Variants in CPD observed in about 807,000 individuals in gnomAD.
CPD encodes carboxypeptidase D.
In CPD, 69 loss-of-function variants were observed where a neutral mutation model predicts 138.3. That is an observed-to-expected ratio of 0.50 (90% confidence interval 0.41 to 0.61). CPD has a LOEUF of 0.61. CPD is among the 20% of genes least tolerant of loss of function. The pLI is 0.00. For synonymous variants in CPD, 651 were observed against 642.1 expected (o/e 1.01, Z -0.21); for missense variants, 1,432 against 1,733.3 (o/e 0.83, Z 3.09).
chr17:30,394,708 G>T lies in CPD; in HGVS notation c.994+9472G>T, dbSNP rs533732978. On this transcript the variant is annotated intron_variant, in intron 2 of 20. Transcript: ENST00000225719. ...GTAGGGGAATGAAAAGGGAGTATAA[G>T]ATACATATATAAGAAGTTATGCAAG... 2.0e-5 allele frequency among the ~76,000 whole-genome samples: 3 copies of T among 152,256 alleles called. No homozygotes were observed. In the East Asian group the frequency reaches 5.8e-4, roughly 29 times the overall value.
rs991860397 is a variant in CPD at position 30,467,028 on chromosome 17, A to T, written c.*2214A>T. 5 of 152,612 alleles carry T rather than the reference A, an allele frequency of 3.3e-5. No homozygotes were observed. Among genetic ancestry groups the T allele is most frequent in the Non-Finnish European group, 7.4e-5 (5 of 68,008 alleles). The allele number at this position is 152,612 out of a possible 1,614,324, so 9.5% of individuals were successfully genotyped here. On this transcript the variant is annotated 3_prime_UTR_variant, in exon 21 of 21. Coordinates refer to ENST00000225719, the MANE Select transcript of CPD (RefSeq NM_001304.5). ...TTACCTAGAAGCGTGAATGTATAGG[A>T]TACCTGACTACTAAGACTATATTCT...
intron 2 of CPD, among the ~76,000 whole-genome samples, chr17:30,417,410 A>G (rs1912139860): frequency 6.6e-6 from 1 of 152,118 alleles, no homozygotes; most frequent in Non-Finnish European, 1.5e-5. Context: ...TCTTCTCCCC[A>G]AGCTCCAGAC....
chr17:30,379,167 G>C lies in CPD; in HGVS notation c.187G>C (p.Glu63Gln), dbSNP rs757351817. ...GQFDRYYHEE[E>Q]LESALREAAA... ...GTTCGACCGCTACTACCACGAAGAG[G>C]AGTTGGAGTCGGCGCTGAGGGAGGC... Residue 63 changes from glutamate (E) to glutamine (Q), a missense_variant, in exon 1 of 21, where the codon GAG becomes CAG. This residue lies in a region of CPD where 484 missense variants were observed against 477.2 expected (regional missense o/e 1.01). Transcript: ENST00000225719. This position sits in a 1 kb window ranked among gnomAD's most constrained non-coding sequence, Gnocchi z 7.0. 3 of 1,535,240 alleles carry C rather than the reference G, an allele frequency of 2.0e-6. No homozygotes were observed. Among genetic ancestry groups the C allele is most frequent in the Non-Finnish European group, 2.6e-6 (3 of 1,144,350 alleles).
intron 14 of CPD, 147 bp downstream of exon 14, chr17:30,451,993 G>A: frequency 1.3e-6 from 1 of 755,218 alleles, no homozygotes; most frequent in Non-Finnish European, 2.0e-6. Flanking sequence ...CAGACATCTG[G>A]AAAAGTTTTT....
chr17:30,445,765 C>A lies in CPD; in HGVS notation c.2618C>A (p.Ser873Tyr). Reference protein sequence around the residue: ...AIQVNFTLVRSSTDSNNESKK... With the variant: ...AIQVNFTLVRYSTDSNNESKK... ...CAGGTCAACTTCACACTTGTTCGATCCTCAACAGATTCAAACAATGAATCA... is the reference window on the plus strand; with the variant it reads ...CAGGTCAACTTCACACTTGTTCGATACTCAACAGATTCAAACAATGAATCA... The change falls in exon 12 of 21, where the codon TCC becomes TAC. Residue 873 changes from serine to tyrosine, a missense_variant. Physicochemically the swap from Ser to Tyr is moderately radical, Grantham distance 144. Coordinates refer to ENST00000225719, the MANE Select transcript of CPD (RefSeq NM_001304.5). 2 of 1,613,896 alleles carry A rather than the reference C, an allele frequency of 1.2e-6. No individual in the cohort carries two copies. The highest frequency in any genetic ancestry group is 1.7e-6 in the Non-Finnish European group (2 of 1,179,966).
intron 12 of CPD, among the ~76,000 whole-genome samples, 186 bp from the exon 13 acceptor site, chr17:30,449,367 T>C (rs73277586): frequency 0.018 from 2,739 of 152,326 alleles, 84 homozygotes; most frequent in African/African-American, 0.062. Flanking sequence ...ATATCATCTA[T>C]TTGATAAATG....
chr17:30,433,598 T>G (rs1380603387), intron 8 of CPD, among the ~76,000 whole-genome samples: 4 of 152,206 alleles, frequency 2.6e-5, no homozygotes, highest in African/African-American at 4.8e-5. Flanking sequence ...GTGGTCACAC[T>G]GTCACGGCAA....
chr17:30,423,821 A>G (rs1353034040), intron 6 of CPD, 124 bp downstream of exon 6: 1 of 713,882 alleles, frequency 1.4e-6, no homozygotes, highest in Non-Finnish European at 2.1e-6. Flanking sequence ...TTAATTTATG[A>G]TTGATTTTAG....
chr17:30,423,536 T>C lies in CPD; in HGVS notation c.1688T>C (p.Met563Thr). Residue 563 changes from methionine (M) to threonine (T), a missense_variant, in exon 6 of 21, where the codon ATG becomes ACG. By Grantham distance (81) the Met-to-Thr change is moderately conservative (BLOSUM62 -1). Around this residue, in one of 6 missense-constraint regions of CPD, gnomAD observed 297 missense variants for 405.3 expected, o/e 0.73. Coordinates refer to ENST00000225719, the MANE Select transcript of CPD (RefSeq NM_001304.5). ...CCAGAATTTAAGTACATTGGAAATA[T>C]GCATGGAAATGAAGTGGTTGGAAGA... ...GEPEFKYIGNMHGNEVVGREL... is the reference protein window; with the variant it reads ...GEPEFKYIGNTHGNEVVGREL... The C allele has an allele frequency of 3.1e-6, 5 of 1,592,088 alleles. No homozygotes were observed. Among genetic ancestry groups the C allele is most frequent in the Non-Finnish European group, 4.3e-6 (5 of 1,171,716 alleles).
intron 18 of CPD, 64 bp from the exon 19 acceptor site, chr17:30,461,813 G>C (rs1463079378): frequency 2.2e-6 from 3 of 1,391,872 alleles, no homozygotes; most frequent in Non-Finnish European, 2.9e-6. Flanking sequence ...CATGCCTCAA[G>C]CTAGTGCCTC....
In CPD at chr17:30,456,607, C is replaced by A; in HGVS notation, c.3498+81C>A. 6 of 1,387,284 alleles carry A rather than the reference C, an allele frequency of 4.3e-6. No homozygotes were observed. The Admixed American group carries it at 1.0e-4, about 24-fold the overall frequency. The allele number at this position is 1,387,284 out of a possible 1,614,324, so 85.9% of individuals were successfully genotyped here. ...GTGTAAACCCAGTGCTTTGGGAGGC[C>A]AAGGCAGGTGGATTTTCTGAGTTTG... On this transcript the variant is annotated intron_variant, in intron 17 of 20. Transcript: ENST00000225719.
intron 14 of CPD, chr17:30,454,481 A>G (rs953951980): frequency 4.6e-5 from 7 of 152,422 alleles, no homozygotes; most frequent in African/African-American, 1.7e-4. Context: ...TCATATCACT[A>G]TCAGCATTTT....
In CPD at chr17:30,456,366, T is replaced by C; in HGVS notation, c.3433+15T>C. 6.2e-7 allele frequency: 1 copy of C among 1,613,072 alleles called. No homozygotes were observed. Among genetic ancestry groups the C allele is most frequent in the Non-Finnish European group, 8.5e-7 (1 of 1,178,984 alleles). On this transcript the variant is annotated intron_variant, in intron 16 of 20. Coordinates refer to ENST00000225719, the MANE Select transcript of CPD (RefSeq NM_001304.5). ...AAATAAATCAGGTAGATGTTTTCCA[T>C]ACCTTTTGTTATTGCTGTTGTTGTT...
At chr17:30,402,521 G>A (rs563747227) in intron 2 of CPD, among the ~76,000 whole-genome samples, 7 of 152,302 alleles carry the variant, frequency 4.6e-5, no homozygotes, top group African/African-American at 7.2e-5. Context: ...AACTGAGATC[G>A]TGCCACTGCA....
chr17:30,391,037 T>G (rs1911342348), intron 2 of CPD, among the ~76,000 whole-genome samples: 1 of 151,700 alleles, frequency 6.6e-6, no homozygotes, highest in Non-Finnish European at 1.5e-5. Flanking sequence ...ACCATGTTGG[T>G]CAAGCTGGTC....
rs1007525793 is a variant in CPD, at chr17:30,466,540, G to T, written c.*1726G>T. On this transcript the variant is annotated 3_prime_UTR_variant, in exon 21 of 21. Coordinates refer to ENST00000225719, the MANE Select transcript of CPD (RefSeq NM_001304.5). Reference sequence around the variant, plus strand: ...TCTGCCACCTCATACATGGAACAGAGCTTGTGGGATGCTAATAGTTAGTGA... The same window carrying T: ...TCTGCCACCTCATACATGGAACAGATCTTGTGGGATGCTAATAGTTAGTGA... 7 of 152,528 alleles carry T rather than the reference G, an allele frequency of 4.6e-5. No individual in the cohort carries two copies. Among genetic ancestry groups the T allele is most frequent in the Admixed American group, 4.6e-4 (7 of 15,268 alleles). 9.4% of individuals were successfully genotyped at this position (152,528 alleles called of 1,614,324 possible).
At chr17:30,462,129 G>A in intron 19 of CPD, 67 bp downstream of exon 19, 1 of 1,381,328 alleles carries the variant, frequency 7.2e-7, no homozygotes, top group Admixed American at 2.3e-5. Context: ...GTTTTATTTT[G>A]AAACTCTTGT....
chr17:30,463,952 TAAAC>T (rs1913561243), intron 20 of CPD, among the ~76,000 whole-genome samples: 1 of 152,082 alleles, frequency 6.6e-6, no homozygotes, highest in South Asian at 2.1e-4. Context: ...AAATTTAAAA[TAAAC>T]AAGGAGATTT....
chr17:30,437,733 A>C (rs980406003), intron 8 of CPD, among the ~76,000 whole-genome samples: 1 of 151,196 alleles, frequency 6.6e-6, no homozygotes, highest in Non-Finnish European at 1.5e-5. Flanking sequence ...GAGCATGCAT[A>C]TAATTATTAC....
Sources: gnomAD v4.1 joint callset for allele counts (sites outside exome capture counted in the v4.1 genomes callset) on GRCh38, gnomAD v4.1.1 for gene constraint, gnomAD v4.1.1 regional missense constraint, Gnocchi (gnomAD v3.1) non-coding constraint, MANE v1.5 for transcripts, NCBI Gene and HGNC (gene_info 2026-07-23, HGNC 2026-07-21) for gene names.